Variants in NTM observed in about 807,000 individuals in gnomAD.
The protein encoded by NTM is IgLON family member 2.
In NTM, 13 loss-of-function variants were observed where a neutral mutation model predicts 42.1. That is an observed-to-expected ratio of 0.31 (90% CI 0.20 to 0.49). The LOEUF is 0.49. Ranked by LOEUF, NTM falls within the 20% of genes least tolerant of loss-of-function variation. The pLI, the probability that NTM is intolerant of heterozygous loss-of-function variation, is 0.99. For synonymous variants in NTM, 187 were observed against 179.2 expected (o/e 1.04, Z -0.35); for missense variants, 373 against 452.8 (o/e 0.82, Z 1.60).
chr11:131,608,485 T>A (rs868783353), intron 1 of NTM, among the ~76,000 whole-genome samples: 5 of 152,332 alleles, frequency 3.3e-5, no homozygotes, highest in African/African-American at 4.8e-5. Flanking sequence ...AAAGTTCTTT[T>A]TTTTGGAGCT....
chr11:132,025,838 C>CATG (rs1386406335), intron 2 of NTM, among the ~76,000 whole-genome samples: 1 of 152,174 alleles, frequency 6.6e-6, no homozygotes, highest in Non-Finnish European at 1.5e-5. Context: ...ACTCAAAGGC[C>CATG]ATGGGAGCAA....
chr11:131,465,058 C>T (rs1237648603), intron 1 of NTM, among the ~76,000 whole-genome samples: 1 of 152,178 alleles, frequency 6.6e-6, no homozygotes, highest in African/African-American at 2.4e-5. Context: ...CCAATTCTCC[C>T]CAATGGTGGA....
chr11:131,930,292 G>A (rs911198685), intron 2 of NTM, among the ~76,000 whole-genome samples: 1 of 152,208 alleles, frequency 6.6e-6, no homozygotes, highest in African/African-American at 2.4e-5. Context: ...GTTTGAGCAG[G>A]TGGGCAGAGG....
In NTM at chr11:132,335,567, T is replaced by G. The variant is rs1271790404; in HGVS notation, c.*421T>G. ...CATAGAGACGAACAGAATGAGACCT[T>G]CCGGCCCAAGCGTGGCGCTGCGGGC... On this transcript the variant is annotated 3_prime_UTR_variant, in exon 9 of 9. Coordinates refer to ENST00000683400, the MANE Select transcript of NTM (RefSeq NM_001352005.2). 1 of 156,840 alleles carries G rather than the reference T, an allele frequency of 6.4e-6. No individual in the cohort carries two copies. Among genetic ancestry groups the G allele is most frequent in the East Asian group, 1.9e-4 (1 of 5,328 alleles). The allele number at this position is 156,840 out of a possible 1,614,324, so 9.7% of individuals were successfully genotyped here.
chr11:131,471,981 C>T lies in NTM; in HGVS notation c.82+101093C>T, dbSNP rs1042267619. Among the ~76,000 whole-genome samples the T allele has an allele frequency of 2.6e-5, 4 of 152,170 alleles. No homozygotes were observed. The South Asian group carries it at 6.2e-4, about 24-fold the overall frequency. ...GGATATGCTATCTGGTGCATAATGG[C>T]TGTGAATTCCAACCAGCCTCCTGAA... On this transcript the variant is annotated intron_variant, in intron 1 of 8. Coordinates refer to ENST00000683400, the MANE Select transcript of NTM (RefSeq NM_001352005.2).
chr11:131,873,878 G>C (rs1198278567), intron 1 of NTM, among the ~76,000 whole-genome samples: 2 of 141,078 alleles, frequency 1.4e-5, no homozygotes, highest in Non-Finnish European at 3.0e-5. Context: ...TCATTGTTCA[G>C]CTCCCACTTA....
At chr11:131,827,394 G>C (rs1043944790) in intron 1 of NTM, among the ~76,000 whole-genome samples, 1 of 152,154 alleles carries the variant, frequency 6.6e-6, no homozygotes, top group Admixed American at 6.6e-5. Context: ...GACAACTGTG[G>C]GTTCACACAC....
At chr11:131,721,760 G>A (rs567969564) in intron 1 of NTM, among the ~76,000 whole-genome samples, 2 of 152,192 alleles carry the variant, frequency 1.3e-5, no homozygotes, top group East Asian at 3.9e-4. Flanking sequence ...ACTTTCGGAG[G>A]TCAAGGTGGG....
intron 6 of NTM, among the ~76,000 whole-genome samples, chr11:132,310,578 C>T (rs1007379113): frequency 1.3e-5 from 2 of 152,108 alleles, no homozygotes; most frequent in Non-Finnish European, 2.9e-5. Context: ...ATTTTTACCA[C>T]ATTCTCAGGC....
At chr11:131,732,418 C>T (rs976000494) in intron 1 of NTM, among the ~76,000 whole-genome samples, 2 of 152,194 alleles carry the variant, frequency 1.3e-5, no homozygotes, top group Non-Finnish European at 2.9e-5. Flanking sequence ...CTTCCACCCT[C>T]TACCCCTTCT....
intron 1 of NTM, among the ~76,000 whole-genome samples, chr11:131,661,701 T>G (rs2068097706): frequency 6.6e-6 from 1 of 152,202 alleles, no homozygotes; most frequent in African/African-American, 2.4e-5. Flanking sequence ...CAGGCTAGTT[T>G]TGGCTTTCTA....
chr11:131,544,995 C>T (rs1310231076), intron 1 of NTM, among the ~76,000 whole-genome samples: 1 of 152,152 alleles, frequency 6.6e-6, no homozygotes, highest in African/African-American at 2.4e-5. Flanking sequence ...TCTTGTTAAT[C>T]CCATCCTTCT....
At chr11:131,779,755 G>A (rs956501593) in intron 1 of NTM, among the ~76,000 whole-genome samples, 17 of 152,104 alleles carry the variant, frequency 1.1e-4, no homozygotes, top group African/African-American at 3.1e-4. Flanking sequence ...GGTGGAGAGG[G>A]AATAGAAGAG....
Position 131,761,507 on chromosome 11 carries a change from C to T in NTM, c.83-150057C>T, listed in dbSNP as rs535224201. ...GGCCTGCGTGATTGGAATTAGTGCC[C>T]TCATAAGAGGAGAAAGCCGGGCACG... is the stretch of plus-strand genomic sequence containing the variant. On this transcript the variant is annotated intron_variant, in intron 1 of 8. Coordinates refer to ENST00000683400, the MANE Select transcript of NTM (RefSeq NM_001352005.2). Among the ~76,000 whole-genome samples, 6 of 152,102 alleles carry T rather than the reference C, an allele frequency of 3.9e-5. No individual in the cohort carries two copies. In the East Asian group the frequency reaches 1.2e-3, roughly 30 times the overall value.
At chr11:131,925,178 C>T (rs2057769653) in intron 2 of NTM, among the ~76,000 whole-genome samples, 1 of 152,138 alleles carries the variant, frequency 6.6e-6, no homozygotes, top group African/African-American at 2.4e-5. Context: ...GTGAAAATAC[C>T]TCTTAGATGA....
intron 1 of NTM, among the ~76,000 whole-genome samples, chr11:131,623,799 A>G (rs2062818372): frequency 6.6e-6 from 1 of 152,194 alleles, no homozygotes; most frequent in African/African-American, 2.4e-5. Context: ...AATGGAAAGG[A>G]GATAATGGTG....
intron 4 of NTM, among the ~76,000 whole-genome samples, chr11:132,271,868 G>A (rs938763803): frequency 3.3e-5 from 5 of 151,650 alleles, no homozygotes; most frequent in Non-Finnish European, 7.4e-5. Flanking sequence ...ATTCTTTGAA[G>A]CACTAAACTT....
Position 131,789,584 on chromosome 11 carries a change from A to G in NTM, c.83-121980A>G, listed in dbSNP as rs1271282102. Among the ~76,000 whole-genome samples the G allele has an allele frequency of 5.3e-4, 32 of 60,510 alleles. 3 individuals are homozygous for G. Among genetic ancestry groups the G allele is most frequent in the African/African-American group, 2.0e-3 (24 of 11,922 alleles). The allele number at this position is 60,510 out of a possible 152,430, so 39.7% of individuals were successfully genotyped here. A position where few individuals can be genotyped will look rare whatever the true frequency, so the allele number is the denominator to read the frequency against. On this transcript the variant is annotated intron_variant, in intron 1 of 8. Coordinates refer to ENST00000683400, the MANE Select transcript of NTM (RefSeq NM_001352005.2). ...GAAGAAGAAGAAGAAGAAGAAGAAG[A>G]AGAAGAAGAAGAAGAAGAAGAAGAA...
chr11:131,373,964 C>T (rs1941587440), intron 1 of NTM, among the ~76,000 whole-genome samples: 1 of 152,190 alleles, frequency 6.6e-6, no homozygotes, highest in Admixed American at 6.5e-5. Flanking sequence ...CTGGGCAGGC[C>T]GGCCAGGTTC....
Sources: allele counts gnomAD v4.1 joint callset (sites outside exome capture counted in the v4.1 genomes callset), GRCh38; gene constraint gnomAD v4.1.1; transcripts MANE v1.5; gene names NCBI Gene and HGNC (gene_info 2026-07-23, HGNC 2026-07-21).